The following EVL variants were observed in gnomAD, a reference collection of about 807,000 sequenced individuals.
EVL encodes the protein ena/VASP-like protein.
Under a neutral mutation model 59.6 loss-of-function variants are expected in EVL, and 21 were observed. The observed-to-expected ratio is 0.35, with a 90% CI of 0.25 to 0.51. The LOEUF is 0.51. Among genes scored for constraint, EVL ranks in the 20% least tolerant of loss-of-function variants. The pLI is 0.97. For synonymous variants in EVL, 198 were observed against 203.5 expected (o/e 0.97, Z 0.23); for missense variants, 462 against 546.6 (o/e 0.85, Z 1.54).
upstream of EVL, among the ~76,000 whole-genome samples, chr14:100,061,100 C>A (rs555776896): frequency 9.2e-5 from 14 of 151,560 alleles, no homozygotes; most frequent in Non-Finnish European, 1.8e-4. Context: ...TACAGAAAAT[C>A]CTAAAGGAGG....
At chr14:99,993,057 CTT>C (rs544024215) in intron 1 of EVL, among the ~76,000 whole-genome samples, 8 of 129,638 alleles carry the variant, frequency 6.2e-5, no homozygotes, top group Non-Finnish European at 8.1e-5. Context: ...GCGTATAATC[CTT>C]TTTTTTTTTT....
At chr14:100,004,129 G>A (rs867961104) in intron 1 of EVL, among the ~76,000 whole-genome samples, 6 of 152,172 alleles carry the variant, frequency 3.9e-5, no homozygotes, top group Admixed American at 2.0e-4. Flanking sequence ...ACTTGAACCC[G>A]GGAGGCAGAG....
chr14:100,023,927 C>T (rs528257208), intron 1 of EVL, among the ~76,000 whole-genome samples: 40 of 152,254 alleles, frequency 2.6e-4, no homozygotes, highest in Admixed American at 6.5e-4. Context: ...GCCTACATTT[C>T]CTTACCACCC....
At chr14:100,013,710 G>A (rs2061032084) in intron 1 of EVL, among the ~76,000 whole-genome samples, 1 of 152,246 alleles carries the variant, frequency 6.6e-6, no homozygotes, top group South Asian at 2.1e-4. Flanking sequence ...CAGCACAGGT[G>A]GAGGTGATAT....
chr14:100,071,961 C>T (rs1379332493), intron 1 of EVL, among the ~76,000 whole-genome samples: 2 of 152,110 alleles, frequency 1.3e-5, no homozygotes, highest in African/African-American at 4.8e-5. Context: ...AAAAAAATGG[C>T]ACCCTATAAA....
chr14:100,133,385 A>G (rs1219903366), intron 8 of EVL, among the ~76,000 whole-genome samples: 1 of 152,232 alleles, frequency 6.6e-6, no homozygotes, highest in Non-Finnish European at 1.5e-5. Flanking sequence ...TGACAGGGCT[A>G]AGTTTAGCCT....
At chr14:100,047,298 A>G (rs1595091001) in intron 1 of EVL, among the ~76,000 whole-genome samples, 2 of 151,986 alleles carry the variant, frequency 1.3e-5, no homozygotes, top group East Asian at 3.9e-4. Context: ...TAGATGGCCA[A>G]TGGCAAACCA....
intron 2 of EVL, 71 bp downstream of exon 2, chr14:100,084,926 C>A: frequency 6.5e-7 from 1 of 1,527,974 alleles, no homozygotes. Context: ...CCCTTACACA[C>A]ATGTATCATT....
At chr14:100,063,233 A>C (rs998822206), upstream of EVL, among the ~76,000 whole-genome samples, 4 of 152,224 alleles carry the variant, frequency 2.6e-5, no homozygotes, top group Admixed American at 1.3e-4. Context: ...CGAGTCCTTA[A>C]AAGTAGAGAA....
intron 1 of EVL, among the ~76,000 whole-genome samples, chr14:100,020,841 C>T (rs534602263): frequency 7.9e-5 from 12 of 152,256 alleles, no homozygotes; most frequent in Admixed American, 3.3e-4. Context: ...TTTGTTTAGT[C>T]GTGTGTCTCT....
intron 6 of EVL, 45 bp downstream of exon 6, chr14:100,128,793 C>T (rs551499169): frequency 2.0e-6 from 3 of 1,516,822 alleles, no homozygotes; most frequent in South Asian, 2.2e-5. Context: ...CGAGGGGACC[C>T]TTGTGCCATC....
upstream of EVL, among the ~76,000 whole-genome samples, chr14:100,061,782 C>G (rs1055346603): frequency 6.6e-6 from 1 of 151,938 alleles, no homozygotes; most frequent in Non-Finnish European, 1.5e-5. Flanking sequence ...TATAATTAAG[C>G]TAGAGAAAAA....
intron 1 of EVL, among the ~76,000 whole-genome samples, chr14:99,991,034 A>AT (rs1049505040): frequency 2.0e-5 from 3 of 151,968 alleles, no homozygotes; most frequent in Admixed American, 6.6e-5. Context: ...TGTTGGAAAA[A>AT]TTTTTTGGAG....
chr14:99,975,035 C>G (rs575489689), intron 1 of EVL: 1 of 153,242 alleles, frequency 6.5e-6, no homozygotes, highest in African/African-American at 2.4e-5. Flanking sequence ...TTGGCCTTGG[C>G]CTTGGCCTTG....
chr14:100,126,630 C>T (rs1261814128), intron 4 of EVL, 77 bp from the exon 5 acceptor site: 7 of 1,498,394 alleles, frequency 4.7e-6, no homozygotes, highest in Middle Eastern at 1.8e-4. Context: ...CCGGGGCCGG[C>T]GGGTACAGCA....
chr14:99,996,806 C>T (rs185900603), intron 1 of EVL, among the ~76,000 whole-genome samples: 16 of 152,196 alleles, frequency 1.1e-4, no homozygotes, highest in East Asian at 3.9e-4. Flanking sequence ...CACATGCCAC[C>T]GTGTCTGGCT....
intron 2 of EVL, among the ~76,000 whole-genome samples, chr14:100,085,990 G>C (rs889141251): frequency 6.6e-6 from 1 of 152,164 alleles, no homozygotes; most frequent in Non-Finnish European, 1.5e-5. Context: ...TTAGCCGGGC[G>C]TGGTGGCGGG....
intron 1 of EVL, among the ~76,000 whole-genome samples, chr14:100,027,150 A>T (rs942215703): frequency 6.6e-6 from 1 of 152,240 alleles, no homozygotes; most frequent in Non-Finnish European, 1.5e-5. Flanking sequence ...TATGGGGTAC[A>T]TGTGATATTT....
chr14:100,059,498 T>C (rs1419478037), intron 1 of EVL, among the ~76,000 whole-genome samples: 1 of 152,190 alleles, frequency 6.6e-6, no homozygotes, highest in Non-Finnish European at 1.5e-5. Flanking sequence ...GATTGTTGGC[T>C]GAGGGCTGGG....
Sources: allele counts gnomAD v4.1 joint callset (sites outside exome capture counted in the v4.1 genomes callset), GRCh38; gene constraint gnomAD v4.1.1; transcripts MANE v1.5; gene names NCBI Gene and HGNC (gene_info 2026-07-23, HGNC 2026-07-21).